WASF1: variants seen among roughly 807,000 people sequenced by gnomAD.
The protein encoded by WASF1 is actin-binding protein WASF1.
A neutral mutation model predicts 50.5 loss-of-function variants in WASF1; 7 were observed. The ratio of observed to expected loss-of-function variants is 0.14; its 90% CI spans 0.08 to 0.26. The LOEUF is 0.26. Ranked by LOEUF, WASF1 falls within the 10% of genes least tolerant of loss-of-function variation. The probability of loss-of-function intolerance (pLI) is 1.00; values close to 1 mark genes in which losing one functional copy is unlikely to be tolerated. For synonymous variants in WASF1, 205 were observed against 244.0 expected (o/e 0.84, Z 1.49); for missense variants, 470 against 694.7 (o/e 0.68, Z 3.64).
intron 4 of WASF1, among the ~76,000 whole-genome samples, chr6:110,118,581 G>T (rs1400109602): frequency 6.6e-6 from 1 of 151,822 alleles, no homozygotes; most frequent in South Asian, 2.1e-4. Flanking sequence ...TTAGACTTCT[G>T]CACAATAATA....
chr6:110,148,402 A>G (rs980238077), intron 3 of WASF1, among the ~76,000 whole-genome samples: 13 of 152,110 alleles, frequency 8.5e-5, no homozygotes, highest in African/African-American at 2.9e-4. Context: ...AAAGTAGGGG[A>G]CACTATAAAG....
intron 3 of WASF1, among the ~76,000 whole-genome samples, chr6:110,145,656 G>A (rs1775522221): frequency 6.6e-6 from 1 of 152,100 alleles, no homozygotes; most frequent in Admixed American, 6.5e-5. Context: ...TTTATTGAGA[G>A]TTTTTAGCAT....
intron 4 of WASF1, among the ~76,000 whole-genome samples, chr6:110,125,107 T>G (rs1392892331): frequency 6.6e-6 from 1 of 152,170 alleles, no homozygotes; most frequent in Non-Finnish European, 1.5e-5. Flanking sequence ...AATTCAGATT[T>G]TATTATCTAA....
chr6:110,101,755 G>A lies in WASF1; in HGVS notation c.1355C>T (p.Pro452Leu), dbSNP rs568812903. 1 of 1,614,112 alleles carries A rather than the reference G, an allele frequency of 6.2e-7. No individual in the cohort carries two copies. Among genetic ancestry groups the A allele is most frequent in the Admixed American group, 1.7e-5 (1 of 59,998 alleles). The change falls in exon 10 of 11, where the codon CCC (proline) becomes CTC (leucine). Residue 452 changes from proline (P) to leucine (L), a missense_variant. Around this residue, in one of 3 missense-constraint regions of WASF1, gnomAD observed 294 missense variants for 343.5 expected, o/e 0.86. Coordinates refer to ENST00000392589, the MANE Select transcript of WASF1 (RefSeq NM_003931.3). Reference sequence around the variant, plus strand: ...AGATGGAGTTGGATGTAGCCCAGAGGGAGGATGAGCAAGAGCTGTAACTGT... The same window carrying A: ...AGATGGAGTTGGATGTAGCCCAGAGAGAGGATGAGCAAGAGCTGTAACTGT... Reference protein sequence around the residue: ...PVTVTALAHPPSGLHPTPSTA... With the variant: ...PVTVTALAHPLSGLHPTPSTA...
At chr6:110,139,883 TA>T (rs1324724446) in intron 3 of WASF1, among the ~76,000 whole-genome samples, 1 of 152,230 alleles carries the variant, frequency 6.6e-6, no homozygotes, top group Non-Finnish European at 1.5e-5. Flanking sequence ...AAAATTATAA[TA>T]ATATACTATA....
At chr6:110,155,426 A>G (rs961797444) in intron 3 of WASF1, among the ~76,000 whole-genome samples, 1 of 151,830 alleles carries the variant, frequency 6.6e-6, no homozygotes, top group Non-Finnish European at 1.5e-5. Flanking sequence ...ATGAGAAGAC[A>G]TTTAATTTGA....
chr6:110,164,920 A>G (rs1360016385), intron 2 of WASF1, among the ~76,000 whole-genome samples: 1 of 151,698 alleles, frequency 6.6e-6, no homozygotes, highest in African/African-American at 2.4e-5. Context: ...AATGCATATT[A>G]CCAAGTCAAA....
chr6:110,172,522 A>G (rs1776762220), intron 2 of WASF1, among the ~76,000 whole-genome samples: 1 of 152,176 alleles, frequency 6.6e-6, no homozygotes, highest in Non-Finnish European at 1.5e-5. Flanking sequence ...AAAATAGCAA[A>G]GATATGGAAT....
chr6:110,143,063 G>C (rs926029112), intron 3 of WASF1, among the ~76,000 whole-genome samples: 1 of 150,854 alleles, frequency 6.6e-6, no homozygotes, highest in African/African-American at 2.4e-5. Context: ...ATAGATTGTT[G>C]AGAGTACGTA....
chr6:110,117,771 G>A (rs1280468281), intron 4 of WASF1, among the ~76,000 whole-genome samples: 5 of 152,066 alleles, frequency 3.3e-5, no homozygotes, highest in South Asian at 2.1e-4. Context: ...GAGAAAGGTC[G>A]GGTTACCTAC....
At chr6:110,148,141 T>C (rs961335722) in intron 3 of WASF1, among the ~76,000 whole-genome samples, 3 of 152,202 alleles carry the variant, frequency 2.0e-5, no homozygotes, top group Non-Finnish European at 2.9e-5. Flanking sequence ...AAAAACAAGA[T>C]TGTCTTCTTC....
At chr6:110,178,863 ACT>A (rs1455438865) in intron 1 of WASF1, 121 bp from the exon 2 acceptor site, 1 of 152,408 alleles carries the variant, frequency 6.6e-6, no homozygotes, top group Non-Finnish European at 1.5e-5. Flanking sequence ...CGGCTCCGTA[ACT>A]CTGCCCAAGG....
At chr6:110,105,383 A>G in intron 8 of WASF1, 24 bp downstream of exon 8, 1 of 1,576,280 alleles carries the variant, frequency 6.3e-7, no homozygotes, top group Non-Finnish European at 8.6e-7. Context: ...TATCATTTAA[A>G]AAAAAAAACA....
chr6:110,139,064 C>G (rs1475557844), intron 3 of WASF1, among the ~76,000 whole-genome samples: 1 of 152,214 alleles, frequency 6.6e-6, no homozygotes, highest in Non-Finnish European at 1.5e-5. Flanking sequence ...TCATAGGCAC[C>G]CAAAGTCTGG....
Position 110,138,648 on chromosome 6 carries a change from T to C in WASF1, c.-28-11019A>G, listed in dbSNP as rs1230211168. Among the ~76,000 whole-genome samples, 8 of 152,268 alleles carry C rather than the reference T, an allele frequency of 5.3e-5. No homozygotes were observed. In the East Asian group the frequency reaches 1.4e-3, roughly 26 times the overall value. On this transcript the variant is annotated intron_variant, in intron 3 of 10. Transcript: ENST00000392589. The stretch of plus-strand genomic sequence containing the variant: ...ACCAGGAGTGGGTAGCTCTTCTCCA[T>C]AGGGAGGTTGTCCCAATGAGTTGAG...
chr6:110,103,201 A>G (rs544804157), intron 9 of WASF1, among the ~76,000 whole-genome samples, 177 bp downstream of exon 9: 2 of 152,372 alleles, frequency 1.3e-5, no homozygotes, highest in South Asian at 4.1e-4. Flanking sequence ...ATTTCAACAC[A>G]GACACATTCA....
At chr6:110,159,628 C>G (rs941072302) in intron 3 of WASF1, among the ~76,000 whole-genome samples, 4 of 151,804 alleles carry the variant, frequency 2.6e-5, no homozygotes, top group African/African-American at 9.7e-5. Flanking sequence ...TTAAGCATCC[C>G]TTATCTGAAA....
At chr6:110,148,556 A>C (rs1284616875) in intron 3 of WASF1, among the ~76,000 whole-genome samples, 5 of 152,136 alleles carry the variant, frequency 3.3e-5, no homozygotes, top group African/African-American at 1.2e-4. Context: ...AATGAGAGCA[A>C]GCCATCATGG....
At chr6:110,113,303 A>C (rs1773653020) in intron 5 of WASF1, 23 bp downstream of exon 5, 1 of 1,505,956 alleles carries the variant, frequency 6.6e-7, no homozygotes, top group Non-Finnish European at 8.9e-7. Flanking sequence ...ACGTAGAAGA[A>C]AATACAATAT....
Sources: gnomAD v4.1 joint callset for allele counts (sites outside exome capture counted in the v4.1 genomes callset) on GRCh38, gnomAD v4.1.1 for gene constraint, gnomAD v4.1.1 regional missense constraint, MANE v1.5 for transcripts, NCBI Gene and HGNC (gene_info 2026-07-23, HGNC 2026-07-21) for gene names.